The following ADARB2 variants were observed in gnomAD, a reference collection of about 807,000 sequenced individuals.
ADARB2 encodes the protein adenosine deaminase RNA specific B2 (inactive).
A neutral mutation model predicts 62.2 loss-of-function variants in ADARB2; 25 were observed. The observed-to-expected ratio is 0.40, with a 90% CI of 0.29 to 0.56. The LOEUF (loss-of-function observed/expected upper bound fraction) is 0.56, where lower values mean the gene tolerates loss of function less well. Among genes scored for constraint, ADARB2 ranks in the 20% least tolerant of loss-of-function variants. The pLI, the probability that ADARB2 is intolerant of heterozygous loss-of-function variation, is 0.43. For synonymous variants in ADARB2, 572 were observed against 500.8 expected, an observed-to-expected ratio of 1.14 and a Z score of -1.90; for missense variants, 1,071 against 1,077.4, an observed-to-expected ratio of 0.99 and a Z score of 0.08.
chr10:1,229,036 G>T (rs1429770580), intron 6 of ADARB2, among the ~76,000 whole-genome samples: 3 of 152,174 alleles, frequency 2.0e-5, no homozygotes, highest in African/African-American at 7.2e-5. Context: ...GGTAAACACT[G>T]GCCTGGGACC....
At chr10:1,435,298 A>G (rs555693296) in intron 1 of ADARB2, among the ~76,000 whole-genome samples, 1 of 152,316 alleles carries the variant, frequency 6.6e-6, no homozygotes, top group South Asian at 2.1e-4. Context: ...ATGCTTTTGC[A>G]TAAAATGAAC....
chr10:1,425,341 T>C (rs1317237553), intron 1 of ADARB2, among the ~76,000 whole-genome samples: 1 of 152,250 alleles, frequency 6.6e-6, no homozygotes, highest in African/African-American at 2.4e-5. Context: ...ATTTGGGTTT[T>C]TGTTTCCCTG....
intron 1 of ADARB2, among the ~76,000 whole-genome samples, chr10:1,560,750 G>A (rs987634267): frequency 1.3e-5 from 2 of 152,226 alleles, no homozygotes; most frequent in Admixed American, 6.5e-5. Context: ...CGGAGCAGAC[G>A]CAGCCTCCCA....
chr10:1,260,869 A>G lies in ADARB2; in HGVS notation c.1192+10086T>C, dbSNP rs1269272986. Among the ~76,000 whole-genome samples, 14 of 147,986 alleles carry G rather than the reference A, an allele frequency of 9.5e-5. No homozygotes were observed. The East Asian group carries it at 2.0e-3, about 21-fold the overall frequency. Reference sequence around the variant, plus strand: ...AGTCAATCCTAAGCCAAAAGAACAAAGCTGGAGGCATCACACTACCTGACT... The same window carrying G: ...AGTCAATCCTAAGCCAAAAGAACAAGGCTGGAGGCATCACACTACCTGACT... On this transcript the variant is annotated intron_variant, in intron 4 of 9. Transcript: ENST00000381312.
At chr10:1,245,568 A>G (rs1370295934) in intron 4 of ADARB2, among the ~76,000 whole-genome samples, 1 of 139,682 alleles carries the variant, frequency 7.2e-6, no homozygotes, top group African/African-American at 2.7e-5. Context: ...ATTCCCACCT[A>G]TGAGTGAGGA....
At chr10:1,610,403 A>G (rs977674769) in intron 1 of ADARB2, among the ~76,000 whole-genome samples, 2 of 152,224 alleles carry the variant, frequency 1.3e-5, no homozygotes, top group Non-Finnish European at 2.9e-5. Context: ...AGTGATGAAC[A>G]TTGCATCTAT....
intron 4 of ADARB2, among the ~76,000 whole-genome samples, chr10:1,250,240 A>G (rs999928000): frequency 1.4e-4 from 21 of 151,844 alleles, no homozygotes; most frequent in Non-Finnish European, 2.5e-4. Flanking sequence ...TGCCATTGCT[A>G]TGGCTTGGGT....
intron 1 of ADARB2, among the ~76,000 whole-genome samples, chr10:1,479,284 G>A (rs772004759): frequency 3.3e-4 from 50 of 152,218 alleles, no homozygotes; most frequent in African/African-American, 1.2e-3. Context: ...GCAGCCACGT[G>A]GAGCAGGAAG....
chr10:1,378,016 G>A (rs571522722), intron 2 of ADARB2, among the ~76,000 whole-genome samples: 3 of 152,110 alleles, frequency 2.0e-5, no homozygotes, highest in Non-Finnish European at 2.9e-5. Context: ...TCCCCATCCC[G>A]TGACAACAGG....
intron 3 of ADARB2, among the ~76,000 whole-genome samples, chr10:1,354,807 ATG>A (rs1315843159): frequency 6.6e-6 from 1 of 152,124 alleles, no homozygotes; most frequent in Non-Finnish European, 1.5e-5. Flanking sequence ...TGGTGTAATG[ATG>A]AGTCCCAAAG....
intron 1 of ADARB2, among the ~76,000 whole-genome samples, chr10:1,609,461 C>G (rs554567872): frequency 6.6e-6 from 1 of 152,348 alleles, no homozygotes; most frequent in Non-Finnish European, 1.5e-5. Context: ...GTTCTCAGGG[C>G]CAAGAAGCCT....
intron 1 of ADARB2, among the ~76,000 whole-genome samples, chr10:1,403,190 C>T (rs1220372032): frequency 6.6e-6 from 1 of 152,174 alleles, no homozygotes; most frequent in African/African-American, 2.4e-5. Context: ...CTGAGCCAGC[C>T]GCTGCTCAAC....
Position 1,419,414 on chromosome 10 carries a change from G to A in ADARB2, c.101-40254C>T, listed in dbSNP as rs370178073. Among the ~76,000 whole-genome samples, 3 of 152,228 alleles carry A rather than the reference G, an allele frequency of 2.0e-5. No homozygotes were observed. The South Asian group carries it at 6.2e-4, about 32-fold the overall frequency. On this transcript the variant is annotated intron_variant, in intron 1 of 9. Transcript: ENST00000381312. ...ATTTTAGCTTAGAATTTAATGTATGGACAGTGGAAACTTACTATCAAACAC... is the reference window on the plus strand; with the variant it reads ...ATTTTAGCTTAGAATTTAATGTATGAACAGTGGAAACTTACTATCAAACAC...
intron 1 of ADARB2, among the ~76,000 whole-genome samples, chr10:1,471,211 G>A (rs1344879614): frequency 6.6e-6 from 1 of 152,160 alleles, no homozygotes; most frequent in Non-Finnish European, 1.5e-5. Context: ...ACTCCAGAGA[G>A]GTTTTCTTCT....
chr10:1,310,532 C>T (rs1278387132), intron 3 of ADARB2, among the ~76,000 whole-genome samples: 1 of 152,254 alleles, frequency 6.6e-6, no homozygotes, highest in African/African-American at 2.4e-5. Context: ...TGAAAGTCCT[C>T]AAACACAAAT....
chr10:1,678,247 G>A (rs1834491889), intron 1 of ADARB2: 2 of 985,230 alleles, frequency 2.0e-6, no homozygotes, highest in Non-Finnish European at 1.2e-6. Context: ...AGTGTCCTCG[G>A]GGTGAGCATC....
intron 1 of ADARB2, among the ~76,000 whole-genome samples, chr10:1,448,041 T>G (rs142506839): frequency 6.6e-6 from 1 of 152,232 alleles, no homozygotes; most frequent in Non-Finnish European, 1.5e-5. Context: ...AATGAACATA[T>G]GTGTGCATGT....
chr10:1,531,551 C>A lies in ADARB2; in HGVS notation c.101-152391G>T, dbSNP rs962427993. ...TTGTTACAGCCACACAGTAATAGTG[C>A]TCTAGAGACTGGGTGCGGTGGCTCA... On this transcript the variant is annotated intron_variant, in intron 1 of 9. Transcript: ENST00000381312. Among the ~76,000 whole-genome samples, 4 of 152,266 alleles carry A rather than the reference C, an allele frequency of 2.6e-5. No homozygotes were observed. The South Asian group carries it at 8.3e-4, about 32-fold the overall frequency.
At chr10:1,575,863 A>T (rs549956803) in intron 1 of ADARB2, among the ~76,000 whole-genome samples, 2 of 147,134 alleles carry the variant, frequency 1.4e-5, no homozygotes, top group African/African-American at 5.1e-5. Context: ...TCCACTGCAC[A>T]TTGCTCAGGA....
Sources: gnomAD v4.1 joint callset for allele counts (sites outside exome capture counted in the v4.1 genomes callset) on GRCh38, gnomAD v4.1.1 for gene constraint, MANE v1.5 for transcripts, NCBI Gene and HGNC (gene_info 2026-07-23, HGNC 2026-07-21) for gene names.